The following CRB1 variants were observed in gnomAD, a reference collection of about 807,000 sequenced individuals.
The protein encoded by CRB1 is protein crumbs homolog 1.
CRB1 carries 83 observed loss-of-function variants against 120.0 expected under a neutral mutation model. The observed-to-expected ratio is 0.69, with a 90% CI of 0.58 to 0.83. The LOEUF (loss-of-function observed/expected upper bound fraction) is 0.83, where lower values mean the gene tolerates loss of function less well. CRB1 is among the 40% of genes least tolerant of loss of function. CRB1 has a pLI of 0.00. For synonymous variants in CRB1, 625 were observed against 612.5 expected (o/e 1.02, Z -0.30); for missense variants, 1,699 against 1,687.6 (o/e 1.01, Z -0.12).
intron 5 of CRB1, chr1:197,357,881 G>A (rs988932423): frequency 3.3e-5 from 5 of 152,112 alleles, no homozygotes; most frequent in Admixed American, 6.5e-5. Context: ...TAAAAAAAAT[G>A]TTTATTTCCT....
chr1:197,326,131 TAAAG>T (rs1402813670), intron 1 of CRB1, among the ~76,000 whole-genome samples: 2 of 152,166 alleles, frequency 1.3e-5, no homozygotes, highest in Non-Finnish European at 2.9e-5. Context: ...TAGTTTTACA[TAAAG>T]AAACTATTAA....
chr1:197,449,215 C>T (rs1292738278), intron 11 of CRB1, among the ~76,000 whole-genome samples: 1 of 152,048 alleles, frequency 6.6e-6, no homozygotes, highest in Non-Finnish European at 1.5e-5. Context: ...TGATTGGTCA[C>T]CATTTATTGA....
chr1:197,427,650 G>A lies in CRB1; in HGVS notation c.2325G>A (p.Leu775=). 1.2e-6 allele frequency: 2 copies of A among 1,613,950 alleles called. No homozygotes were observed. Among genetic ancestry groups the A allele is most frequent in the Non-Finnish European group, 1.7e-6 (2 of 1,179,958 alleles). ...VWLERGRLAM[L]TPNSPKLVVK... is the part of the protein sequence containing the mutation. ...TAGAGCGCGGCAGACTAGCAATGCT[G>A]ACTCCAAACTCTCCCAAATTAGTAG... The change falls in exon 7 of 12, where the codon CTG becomes CTA. Residue 775 remains leucine, a synonymous_variant. Transcript: ENST00000367400.
chr1:197,408,313 T>C (rs1663524193), intron 5 of CRB1, among the ~76,000 whole-genome samples: 1 of 152,112 alleles, frequency 6.6e-6, no homozygotes, highest in Admixed American at 6.6e-5. Context: ...AGCAGAACTC[T>C]GAAAGAAAGT....
chr1:197,392,256 C>T (rs1292846255), intron 5 of CRB1, among the ~76,000 whole-genome samples: 1 of 151,928 alleles, frequency 6.6e-6, no homozygotes, highest in Non-Finnish European at 1.5e-5. Context: ...TATACATACA[C>T]ACACACATAC....
At chr1:197,397,225 A>G (rs530345317) in intron 5 of CRB1, among the ~76,000 whole-genome samples, 23 of 152,274 alleles carry the variant, frequency 1.5e-4, no homozygotes, top group African/African-American at 5.1e-4. Flanking sequence ...AGATATCACT[A>G]TGCAACTATT....
At position 197,286,683 on chromosome 1, in the gene CRB1, G is replaced by A. The variant is rs554154290; in HGVS notation, c.70+18201G>A. Among the ~76,000 whole-genome samples, 68 of 151,910 alleles carry A rather than the reference G, an allele frequency of 4.5e-4. 1 individual carries two copies. In the South Asian group the frequency reaches 0.011, roughly 24 times the overall value. On this transcript the variant is annotated intron_variant, in intron 1 of 11. Coordinates refer to ENST00000367400, the MANE Select transcript of CRB1 (RefSeq NM_201253.3). Reference sequence around the variant, plus strand: ...GTTAAACTTCAGTACTATTGTAGGCGCTTAGTGTCTGAAGACCACTGGCTG... The same window carrying A: ...GTTAAACTTCAGTACTATTGTAGGCACTTAGTGTCTGAAGACCACTGGCTG...
the CRB1 span, among the ~76,000 whole-genome samples, chr1:197,232,102 G>A: frequency 6.6e-6 from 1 of 152,132 alleles, no homozygotes; most frequent in African/African-American, 2.4e-5. Flanking sequence ...AGTAGGGGTT[G>A]GAATGATGCA....
At chr1:197,415,467 C>A (rs1271254560) in intron 5 of CRB1, among the ~76,000 whole-genome samples, 1 of 152,100 alleles carries the variant, frequency 6.6e-6, no homozygotes, top group African/African-American at 2.4e-5. Context: ...TACATTTAAC[C>A]TTTGTGTGTT....
At chr1:197,406,062 C>A (rs1411626213) in intron 5 of CRB1, among the ~76,000 whole-genome samples, 2 of 150,152 alleles carry the variant, frequency 1.3e-5, no homozygotes, top group South Asian at 4.2e-4. Context: ...GCCACCACCC[C>A]GTCTGGGAGG....
At chr1:197,408,403 A>G (rs1182364797) in intron 5 of CRB1, among the ~76,000 whole-genome samples, 1 of 152,218 alleles carries the variant, frequency 6.6e-6, no homozygotes, top group Non-Finnish European at 1.5e-5. Context: ...ATATTTTAAT[A>G]CAACCATTTA....
rs2125483545 is a variant in CRB1 at position 197,427,464 on chromosome 1, A to G, written c.2139A>G (p.Ala713=). Residue 713 remains alanine (A), a synonymous_variant, in exon 7 of 12, where the codon GCA becomes GCG. Coordinates refer to ENST00000367400, the MANE Select transcript of CRB1 (RefSeq NM_201253.3). ...EGPNCLREYV[A]GRFGQDDSTG... The stretch of plus-strand genomic sequence containing the variant: ...ATTTTGACATTGAAGAGTATGTGGC[A>G]GGCAGATTTGGCCAGGATGACTCCA... 2.5e-6 allele frequency: 4 copies of G among 1,613,680 alleles called. No individual in the cohort carries two copies. The highest frequency in any genetic ancestry group is 1.7e-4 in the Middle Eastern group (1 of 6,046).
At position 197,442,168 on chromosome 1, in the gene CRB1, G is replaced by A. The variant is rs754575460; in HGVS notation, c.3881G>A (p.Cys1294Tyr). ...MCRPGFTGEW[C>Y]EKDIDECASD... The stretch of plus-strand genomic sequence containing the variant: ...CTGCTGTTCTGTTTATTTTGAAGGT[G>A]TGAAAAGGACATTGATGAGTGTGCC... Residue 1294 changes from cysteine (C) to tyrosine (Y), a missense_variant and splice_region_variant, in exon 11 of 12, where the codon TGT becomes TAT. By Grantham distance (194) the Cys-to-Tyr change is radical. Transcript: ENST00000367400. 5 of 1,614,120 alleles carry A rather than the reference G, an allele frequency of 3.1e-6. No homozygotes were observed. The Admixed American group carries it at 6.7e-5, about 22-fold the overall frequency.
rs551067482 is a variant in CRB1, at chr1:197,410,848, A to C, written c.1172-10152A>C. ...CCATGCTGAATGATGATTCTCTCTA[A>C]ATCTGCACAGCTTCAATGTCAGGAA... On this transcript the variant is annotated intron_variant, in intron 5 of 11. Transcript: ENST00000367400. Among the ~76,000 whole-genome samples the C allele has an allele frequency of 4.1e-4, 62 of 152,318 alleles. 1 individual carries two copies. In the Middle Eastern group the frequency reaches 0.01, roughly 25 times the overall value.
At chr1:197,336,288 G>T (rs1659152540) in intron 2 of CRB1, among the ~76,000 whole-genome samples, 1 of 152,170 alleles carries the variant, frequency 6.6e-6, no homozygotes, top group Admixed American at 6.5e-5. Context: ...TTGAATCTGG[G>T]CTTGGTGTTC....
At chr1:197,306,362 A>G (rs560491882) in intron 1 of CRB1, among the ~76,000 whole-genome samples, 1 of 152,298 alleles carries the variant, frequency 6.6e-6, no homozygotes, top group South Asian at 2.1e-4. Context: ...CAAAGATAAG[A>G]TATCTGAAGT....
At chr1:197,242,535 T>C in the CRB1 span, among the ~76,000 whole-genome samples, 2 of 152,132 alleles carry the variant, frequency 1.3e-5, no homozygotes, top group Non-Finnish European at 2.9e-5. Context: ...GCCAACTTGA[T>C]TGTGGTGGAT....
intron 1 of CRB1, among the ~76,000 whole-genome samples, chr1:197,303,284 C>G (rs1180731830): frequency 1.2e-5 from 1 of 85,348 alleles, no homozygotes; most frequent in African/African-American, 4.7e-5. Flanking sequence ...CCTCCCCCCT[C>G]CCCCCACCCC....
At chr1:197,214,810 A>G in the CRB1 span, among the ~76,000 whole-genome samples, 1 of 151,850 alleles carries the variant, frequency 6.6e-6, no homozygotes, top group Admixed American at 6.6e-5. Flanking sequence ...AGAAAGAAAT[A>G]CCTCCAAACT....
Sources: gnomAD v4.1 joint callset for allele counts (sites outside exome capture counted in the v4.1 genomes callset) on GRCh38, gnomAD v4.1.1 for gene constraint, MANE v1.5 for transcripts, NCBI Gene and HGNC (gene_info 2026-07-23, HGNC 2026-07-21) for gene names.